Variants in ARRB2 observed in about 807,000 individuals in gnomAD.
The protein encoded by ARRB2 is beta-arrestin-2.
In ARRB2, 21 loss-of-function variants were observed where a neutral mutation model predicts 53.4. That is an observed-to-expected ratio of 0.39 (90% confidence interval 0.28 to 0.57). The LOEUF is 0.57. Among genes scored for constraint, ARRB2 ranks in the 20% least tolerant of loss-of-function variants. The pLI, the probability that ARRB2 is intolerant of heterozygous loss-of-function variation, is 0.55. For missense variants in ARRB2, 369 were observed against 527.5 expected (o/e 0.70, Z 2.94); for synonymous variants, 180 against 212.9 (o/e 0.85, Z 1.34).
chr17:4,721,105 C>T lies in ARRB2; in HGVS notation c.*66C>T. 5 of 1,469,726 alleles carry T rather than the reference C, an allele frequency of 3.4e-6. No homozygotes were observed. The highest frequency in any genetic ancestry group is 1.7e-4 in the Middle Eastern group (1 of 5,754). The allele number at this position is 1,469,726 out of a possible 1,614,324, so 91.0% of individuals were successfully genotyped here. Reference sequence around the variant, plus strand: ...GGTGAGGGCAGGATTAAGATCCCCACTGTCAATGGGGGATTGTCCCAGCCC... The same window carrying T: ...GGTGAGGGCAGGATTAAGATCCCCATTGTCAATGGGGGATTGTCCCAGCCC... On this transcript the variant is annotated 3_prime_UTR_variant, in exon 15 of 15. Transcript: ENST00000269260. This position sits in a 1 kb window ranked among gnomAD's most constrained non-coding sequence, Gnocchi z 4.2.
At chr17:4,712,287 C>T (rs1914488407) in intron 1 of ARRB2, among the ~76,000 whole-genome samples, 1 of 152,226 alleles carries the variant, frequency 6.6e-6, no homozygotes, top group African/African-American at 2.4e-5. Flanking sequence ...TTAGGAATAC[C>T]TGGGGCCCTC....
At position 4,717,616 on chromosome 17, in the gene ARRB2, G is replaced by A. The variant is rs1305000629; in HGVS notation, c.418-69G>A. ...GTCCCTGCCCGAGAGGAGGGAAGGG[G>A]GAGGAAGAAAGGGCAGTGATGGTGG... is the stretch of plus-strand genomic sequence containing the variant. On this transcript the variant is annotated intron_variant, in intron 6 of 14. Transcript: ENST00000269260. This position sits in a 1 kb window ranked among gnomAD's most constrained non-coding sequence, Gnocchi z 6.0. The A allele has an allele frequency of 1.9e-6, 3 of 1,594,704 alleles. No individual in the cohort carries two copies. The highest frequency in any genetic ancestry group is 2.6e-6 in the Non-Finnish European group (3 of 1,163,666).
At position 4,710,685 on chromosome 17, in the gene ARRB2, C is replaced by G. The variant is rs1914292370; in HGVS notation, c.-37C>G. ...TGGCAGCGGGCGAGGAGGCTGCGAG[C>G]GAGCCGCGAACCGAGCGGGCGGCGG... On this transcript the variant is annotated 5_prime_UTR_variant, in exon 1 of 15. Transcript: ENST00000269260. 2.5e-6 allele frequency: 1 copy of G among 397,900 alleles called. No homozygotes were observed. Among genetic ancestry groups the G allele is most frequent in the Non-Finnish European group, 4.4e-6 (1 of 225,836 alleles). The allele number at this position is 397,900 out of a possible 1,614,324, so 24.6% of individuals were successfully genotyped here.
In ARRB2 at chr17:4,721,166, C is replaced by T. The variant is rs946378380; in HGVS notation, c.*127C>T. 12 of 914,616 alleles carry T rather than the reference C, an allele frequency of 1.3e-5. No individual in the cohort carries two copies. Among genetic ancestry groups the T allele is most frequent in the Non-Finnish European group, 3.4e-6 (2 of 592,112 alleles). 56.7% of individuals were successfully genotyped at this position (914,616 alleles called of 1,614,324 possible). ...CCCCTCACCTGGAAGCTTCTTCAACCAATCCCTTCACACTCTCTCCCCCAT... is the reference window on the plus strand; with the variant it reads ...CCCCTCACCTGGAAGCTTCTTCAACTAATCCCTTCACACTCTCTCCCCCAT... On this transcript the variant is annotated 3_prime_UTR_variant, in exon 15 of 15. Transcript: ENST00000269260. The surrounding 1 kb of genome is among the most constrained non-coding windows in gnomAD (Gnocchi z 4.2).
Position 4,720,409 on chromosome 17 carries a change from C to G in ARRB2, c.1018C>G (p.Leu340Val). 6.2e-7 allele frequency: 1 copy of G among 1,613,840 alleles called. No homozygotes were observed. Among genetic ancestry groups the G allele is most frequent in the East Asian group, 2.2e-5 (1 of 44,860 alleles). Residue 340 changes from leucine to valine, a missense_variant, in exon 13 of 15, where the codon CTG (leucine) becomes GTG (valine). Coordinates refer to ENST00000269260, the MANE Select transcript of ARRB2 (RefSeq NM_004313.4). Reference protein sequence around the residue: ...VSRGGDVSVELPFVLMHPKPH... With the variant: ...VSRGGDVSVEVPFVLMHPKPH... ...CTTCCCCAGGGATGTCTCTGTGGAGCTGCCTTTTGTTCTTATGCACCCCAA... is the reference window on the plus strand; with the variant it reads ...CTTCCCCAGGGATGTCTCTGTGGAGGTGCCTTTTGTTCTTATGCACCCCAA...
chr17:4,719,456 AG>A, intron 11 of ARRB2, 36 bp downstream of exon 11: 1 of 1,607,672 alleles, frequency 6.2e-7, no homozygotes. Context: ...CCTGCAGGCC[AG>A]GGGCCAGACG....
Position 4,717,102 on chromosome 17 carries a change from G to T in ARRB2, c.358-115G>T. 8.3e-7 allele frequency: 1 copy of T among 1,210,474 alleles called. No homozygotes were observed. Among genetic ancestry groups the T allele is most frequent in the Non-Finnish European group, 1.2e-6 (1 of 820,240 alleles). The allele number at this position is 1,210,474 out of a possible 1,614,324, so 75.0% of individuals were successfully genotyped here. A position where few individuals can be genotyped will look rare whatever the true frequency, so the allele number is the denominator to read the frequency against. ...GCCCACCTTAGCCTTCCAAAGTGTT[G>T]GGATTACAGGCATGAGCCACCACAC... On this transcript the variant is annotated intron_variant, in intron 5 of 14. Coordinates refer to ENST00000269260, the MANE Select transcript of ARRB2 (RefSeq NM_004313.4). This position sits in a 1 kb window ranked among gnomAD's most constrained non-coding sequence, Gnocchi z 6.0.
intron 2 of ARRB2, 124 bp from the exon 3 acceptor site, chr17:4,715,849 C>A: frequency 8.8e-7 from 1 of 1,135,050 alleles, no homozygotes; most frequent in Non-Finnish European, 1.3e-6. Context: ...TGGGAGGAAA[C>A]CTGGAACAAC....
intron 1 of ARRB2, among the ~76,000 whole-genome samples, chr17:4,713,371 G>A (rs924860545): frequency 6.6e-6 from 1 of 151,380 alleles, no homozygotes; most frequent in Non-Finnish European, 1.5e-5. Context: ...GGTGGCTCAC[G>A]CCTGTAATCC....
At chr17:4,720,117 C>T (rs146061101) in intron 11 of ARRB2, 99 bp from the exon 12 acceptor site, 6 of 1,275,040 alleles carry the variant, frequency 4.7e-6, no homozygotes, top group Non-Finnish European at 6.7e-6. Flanking sequence ...GGGGCCTGTG[C>T]GAGTTTGTGG....
intron 5 of ARRB2, 156 bp downstream of exon 5, chr17:4,716,764 C>A: frequency 7.4e-7 from 1 of 1,358,740 alleles, no homozygotes; most frequent in Non-Finnish European, 9.7e-7. Context: ...TCAGGAAGCC[C>A]TTGATTATCT....
In ARRB2 at chr17:4,717,148, G is replaced by A; in HGVS notation, c.358-69G>A. The A allele has an allele frequency of 1.3e-6, 2 of 1,543,410 alleles. No homozygotes were observed. Among genetic ancestry groups the A allele is most frequent in the Non-Finnish European group, 1.8e-6 (2 of 1,116,136 alleles). The stretch of plus-strand genomic sequence containing the variant: ...CACACCCAGCGTCTCCAGCCTCTTA[G>A]GTTGAGATTTGGAGGAAGATCTGGG... On this transcript the variant is annotated intron_variant, in intron 5 of 14. Coordinates refer to ENST00000269260, the MANE Select transcript of ARRB2 (RefSeq NM_004313.4). The surrounding 1 kb of genome is among the most constrained non-coding windows in gnomAD (Gnocchi z 6.0).
rs1915130988 is a variant in ARRB2 at position 4,716,930 on chromosome 17, G to T, written c.358-287G>T. The stretch of plus-strand genomic sequence containing the variant: ...GTTCACTGCAACCTCCGCCTCCCAG[G>T]TTCAAGTGATTCTTATGCCTCAGCC... On this transcript the variant is annotated intron_variant, in intron 5 of 14. Coordinates refer to ENST00000269260, the MANE Select transcript of ARRB2 (RefSeq NM_004313.4). 4 of 593,886 alleles carry T rather than the reference G, an allele frequency of 6.7e-6. No homozygotes were observed. In the Admixed American group the frequency reaches 1.2e-4, roughly 18 times the overall value. The allele number at this position is 593,886 out of a possible 1,614,324, so 36.8% of individuals were successfully genotyped here. A position where few individuals can be genotyped will look rare whatever the true frequency, so the allele number is the denominator to read the frequency against.
rs765277929 is a variant in ARRB2 at position 4,720,681 on chromosome 17, G to T, written c.1136+41G>T. 10 of 1,481,084 alleles carry T rather than the reference G, an allele frequency of 6.8e-6. No homozygotes were observed. In the East Asian group the frequency reaches 9.0e-5, roughly 13 times the overall value. 91.7% of individuals were successfully genotyped at this position (1,481,084 alleles called of 1,614,324 possible). A position where few individuals can be genotyped will look rare whatever the true frequency, so the allele number is the denominator to read the frequency against. ...CCCTACTTGACCCTCTTGGGACAAAGATTCCTATAACATTCAAATCTGCCC... is the reference window on the plus strand; with the variant it reads ...CCCTACTTGACCCTCTTGGGACAAATATTCCTATAACATTCAAATCTGCCC... On this transcript the variant is annotated intron_variant, in intron 14 of 14. Coordinates refer to ENST00000269260, the MANE Select transcript of ARRB2 (RefSeq NM_004313.4).
chr17:4,717,122 C>A lies in ARRB2; in HGVS notation c.358-95C>A. 1 of 1,403,350 alleles carries A rather than the reference C, an allele frequency of 7.1e-7. No homozygotes were observed. Among genetic ancestry groups the A allele is most frequent in the South Asian group, 1.2e-5 (1 of 86,412 alleles). The allele number at this position is 1,403,350 out of a possible 1,614,324, so 86.9% of individuals were successfully genotyped here. On this transcript the variant is annotated intron_variant, in intron 5 of 14. Coordinates refer to ENST00000269260, the MANE Select transcript of ARRB2 (RefSeq NM_004313.4). This position sits in a 1 kb window ranked among gnomAD's most constrained non-coding sequence, Gnocchi z 6.0. ...GTGTTGGGATTACAGGCATGAGCCACCACACCCAGCGTCTCCAGCCTCTTA... is the reference window on the plus strand; with the variant it reads ...GTGTTGGGATTACAGGCATGAGCCAACACACCCAGCGTCTCCAGCCTCTTA...
At chr17:4,710,996 G>A (rs548464413) in intron 1 of ARRB2, among the ~76,000 whole-genome samples, 3 of 152,196 alleles carry the variant, frequency 2.0e-5, no homozygotes, top group Admixed American at 2.0e-4. Context: ...AGGGATGTGG[G>A]GCCAGACTAC....
Position 4,717,508 on chromosome 17 carries a change from A to AT in ARRB2, c.418-176dup. The AT allele has an allele frequency of 7.3e-6, 7 of 957,918 alleles. No homozygotes were observed. Among genetic ancestry groups the AT allele is most frequent in the Non-Finnish European group, 1.1e-5 (7 of 634,468 alleles). 59.3% of individuals were successfully genotyped at this position (957,918 alleles called of 1,614,324 possible). On this transcript the variant is annotated intron_variant, in intron 6 of 14. Transcript: ENST00000269260. This position sits in a 1 kb window ranked among gnomAD's most constrained non-coding sequence, Gnocchi z 6.0. ...GGATGGGGGCTCCCCTTGCACTACC[A>AT]TGACCAAGCCTCTGCCAGGTTCTGG... is the stretch of plus-strand genomic sequence containing the variant.
intron 9 of ARRB2, 116 bp from the exon 10 acceptor site, chr17:4,718,496 C>T (rs746977488): frequency 1.6e-6 from 2 of 1,232,966 alleles, no homozygotes; most frequent in Non-Finnish European, 2.3e-6. Flanking sequence ...CGGGGAGCCT[C>T]GGTGTTTACT....
chr17:4,714,942 G>T, intron 1 of ARRB2, 71 bp from the exon 2 acceptor site: 1 of 1,510,936 alleles, frequency 6.6e-7, no homozygotes, highest in Non-Finnish European at 9.0e-7. Context: ...GCCTGGGAGG[G>T]AGAGGGTCCT....
Sources: allele counts gnomAD v4.1 joint callset (sites outside exome capture counted in the v4.1 genomes callset), GRCh38; gene constraint gnomAD v4.1.1; non-coding constraint Gnocchi (gnomAD v3.1); transcripts MANE v1.5; gene names NCBI Gene and HGNC (gene_info 2026-07-23, HGNC 2026-07-21).